Variants in ERGIC1 observed in about 807,000 individuals in gnomAD.
The protein encoded by ERGIC1 is endoplasmic reticulum-golgi intermediate compartment 1, also known as endoplasmic reticulum-Golgi intermediate compartment protein 1.
ERGIC1 carries 19 observed loss-of-function variants against 38.3 expected under a neutral mutation model. The ratio of observed to expected loss-of-function variants is 0.50; its 90% CI spans 0.35 to 0.73. ERGIC1 has a LOEUF of 0.73. ERGIC1 is among the 30% of genes least tolerant of loss of function. ERGIC1 has a pLI of 0.01. For missense variants in ERGIC1, 294 were observed against 389.2 expected, an observed-to-expected ratio of 0.76 and a Z score of 2.06; for synonymous variants, 124 against 157.6, an observed-to-expected ratio of 0.79 and a Z score of 1.60.
At chr5:172,948,244 C>A (rs371068940) in intron 9 of ERGIC1, among the ~76,000 whole-genome samples, 4 of 152,246 alleles carry the variant, frequency 2.6e-5, no homozygotes, top group East Asian at 3.8e-4. Context: ...CAGACCTGGT[C>A]TGTCCATCCT....
intron 1 of ERGIC1, among the ~76,000 whole-genome samples, chr5:172,854,022 T>A (rs1227373535): frequency 6.6e-6 from 1 of 152,172 alleles, no homozygotes; most frequent in African/African-American, 2.4e-5. Flanking sequence ...TATCTGCTCA[T>A]CTCCTTCGAA....
intron 1 of ERGIC1, among the ~76,000 whole-genome samples, chr5:172,848,219 TG>T (rs1290803781): frequency 6.6e-6 from 1 of 152,194 alleles, no homozygotes; most frequent in Non-Finnish European, 1.5e-5. Context: ...GGAGGGATTC[TG>T]GGGGAAAACA....
chr5:172,950,643 G>C lies in ERGIC1; in HGVS notation c.766-66G>C. The C allele has an allele frequency of 2.1e-6, 3 of 1,442,154 alleles. No homozygotes were observed. The South Asian group carries it at 3.7e-5, about 18-fold the overall frequency. The allele number at this position is 1,442,154 out of a possible 1,614,324, so 89.3% of individuals were successfully genotyped here. On this transcript the variant is annotated intron_variant, in intron 9 of 9. Coordinates refer to ENST00000393784, the MANE Select transcript of ERGIC1 (RefSeq NM_001031711.3). ...CCCATCATCTCATGATGTGGGAGGG[G>C]TCTGGCCTGGTTCATCCTCCAGCAC...
intron 2 of ERGIC1, among the ~76,000 whole-genome samples, chr5:172,896,219 T>TAC (rs1762717715): frequency 6.6e-6 from 1 of 152,114 alleles, no homozygotes; most frequent in Non-Finnish European, 1.5e-5. Flanking sequence ...AGCAGGCACC[T>TAC]GTAATCCCAG....
intron 1 of ERGIC1, among the ~76,000 whole-genome samples, chr5:172,859,713 G>C (rs1761648325): frequency 1.3e-5 from 2 of 152,218 alleles, no homozygotes; most frequent in Admixed American, 1.3e-4. Context: ...CTGGATTGCA[G>C]CCCTTGCTGC....
At chr5:172,947,559 T>G (rs1764151102) in intron 9 of ERGIC1, among the ~76,000 whole-genome samples, 1 of 152,202 alleles carries the variant, frequency 6.6e-6, no homozygotes, top group Non-Finnish European at 1.5e-5. Context: ...GACCAGCCCC[T>G]TCAACAGATG....
intron 1 of ERGIC1, among the ~76,000 whole-genome samples, chr5:172,860,777 G>A (rs78089304): frequency 0.02 from 3,046 of 152,336 alleles, 103 homozygotes; most frequent in African/African-American, 0.07. Flanking sequence ...ATGATCTTGT[G>A]TGAGGAAGGA....
intron 5 of ERGIC1, chr5:172,921,722 C>G (rs1763524289): frequency 6.6e-6 from 1 of 152,302 alleles, no homozygotes; most frequent in African/African-American, 2.4e-5. Flanking sequence ...GCTGCCAGCA[C>G]CGCCACCTCC....
chr5:172,840,267 G>A (rs1761129617), intron 1 of ERGIC1, among the ~76,000 whole-genome samples: 1 of 152,182 alleles, frequency 6.6e-6, no homozygotes, highest in African/African-American at 2.4e-5. Flanking sequence ...TCCTGACTGT[G>A]GTGCTGTAGT....
chr5:172,852,096 T>TCAGGTGCATTGC (rs1761424277), intron 1 of ERGIC1, among the ~76,000 whole-genome samples: 1 of 151,960 alleles, frequency 6.6e-6, no homozygotes, highest in Admixed American at 6.5e-5. Flanking sequence ...CGCCAAAGCA[T>TCAGGTGCATTGC]CAGGTGCATT....
intron 9 of ERGIC1, among the ~76,000 whole-genome samples, chr5:172,948,034 C>T (rs1764161084): frequency 6.6e-6 from 1 of 152,174 alleles, no homozygotes; most frequent in African/African-American, 2.4e-5. Flanking sequence ...CCGAAATAAA[C>T]CAGCTCCCCT....
intron 3 of ERGIC1, among the ~76,000 whole-genome samples, chr5:172,904,301 C>A (rs575164936): frequency 6.6e-6 from 1 of 152,336 alleles, no homozygotes; most frequent in African/African-American, 2.4e-5. Flanking sequence ...AAAGAAGGGT[C>A]CCTTGAGCCC....
At chr5:172,899,251 G>T (rs1480589783) in intron 3 of ERGIC1, among the ~76,000 whole-genome samples, 2 of 151,330 alleles carry the variant, frequency 1.3e-5, no homozygotes, top group African/African-American at 4.9e-5. Flanking sequence ...AGGAGGTAGA[G>T]CAGGCAGGAC....
At chr5:172,919,991 G>A (rs1324758859) in intron 5 of ERGIC1, among the ~76,000 whole-genome samples, 1 of 152,202 alleles carries the variant, frequency 6.6e-6, no homozygotes, top group Non-Finnish European at 1.5e-5. Flanking sequence ...GGCACAGGAG[G>A]TTAAGTGACC....
chr5:172,855,069 C>T (rs1354505140), intron 1 of ERGIC1, among the ~76,000 whole-genome samples: 1 of 152,204 alleles, frequency 6.6e-6, no homozygotes, highest in Admixed American at 6.5e-5. Context: ...CTCAGCTCTC[C>T]TTCAGACACC....
chr5:172,859,274 G>T (rs950617357), intron 1 of ERGIC1, among the ~76,000 whole-genome samples: 1 of 152,060 alleles, frequency 6.6e-6, no homozygotes, highest in Admixed American at 6.5e-5. Flanking sequence ...TGGCCAGCTG[G>T]TCATTCAGGA....
chr5:172,940,663 G>A (rs546797875), intron 9 of ERGIC1, among the ~76,000 whole-genome samples: 5 of 152,190 alleles, frequency 3.3e-5, no homozygotes, highest in East Asian at 3.9e-4. Flanking sequence ...CTCCCATTGC[G>A]TGCTACTCAA....
chr5:172,950,923 A>G lies in ERGIC1; in HGVS notation c.*107A>G, dbSNP rs1234967909. On this transcript the variant is annotated 3_prime_UTR_variant, in exon 10 of 10. Transcript: ENST00000393784. ...TGGTCCCAAATCTGGCTGTGTCCCAAAGGGTGTGTGGGAAGTGGGGGGAAA... is the reference window on the plus strand; with the variant it reads ...TGGTCCCAAATCTGGCTGTGTCCCAGAGGGTGTGTGGGAAGTGGGGGGAAA... The G allele has an allele frequency of 2.1e-6, 2 of 956,264 alleles. No individual in the cohort carries two copies. Among genetic ancestry groups the G allele is most frequent in the Non-Finnish European group, 3.0e-6 (2 of 659,164 alleles). 59.2% of individuals were successfully genotyped at this position (956,264 alleles called of 1,614,324 possible). A position where few individuals can be genotyped will look rare whatever the true frequency, so the allele number is the denominator to read the frequency against.
intron 1 of ERGIC1, among the ~76,000 whole-genome samples, chr5:172,865,294 G>C (rs1761826671): frequency 6.6e-6 from 1 of 152,120 alleles, no homozygotes; most frequent in Non-Finnish European, 1.5e-5. Context: ...GACCTCAGGT[G>C]ATCCACCCGC....
Sources: allele counts gnomAD v4.1 joint callset (sites outside exome capture counted in the v4.1 genomes callset), GRCh38; gene constraint gnomAD v4.1.1; transcripts MANE v1.5; gene names NCBI Gene and HGNC (gene_info 2026-07-23, HGNC 2026-07-21).